MAOB: variants seen among roughly 807,000 people sequenced by gnomAD.
MAOB encodes amine oxidase [flavin-containing] B.
A neutral mutation model predicts 41.9 loss-of-function variants in MAOB; 15 were observed. The observed-to-expected ratio is 0.36, with a 90% confidence interval of 0.24 to 0.55. The LOEUF is 0.55. MAOB is among the 20% of genes least tolerant of loss of function. MAOB has a pLI of 0.86. For missense variants in MAOB, 345 were observed against 398.7 expected (o/e 0.87, Z 1.15); for synonymous variants, 167 against 144.2 (o/e 1.16, Z -1.13).
In MAOB at chrX:43,838,785, T is replaced by G. The variant is rs2035099148; in HGVS notation, c.279+83A>C. Reference sequence around the variant, plus strand: ...TGCATCATCCAGAGATATAGAAGATTCTCTGAGAGAATGATCTGGAATTTG... The same window carrying G: ...TGCATCATCCAGAGATATAGAAGATGCTCTGAGAGAATGATCTGGAATTTG... On this transcript the variant is annotated intron_variant, in intron 3 of 14. Transcript: ENST00000378069. The G allele has an allele frequency of 5.3e-6, 5 of 940,196 alleles. No individual in the cohort carries two copies. In the South Asian group the frequency reaches 1.7e-4, roughly 32 times the overall value. The allele number at this position is 940,196 out of a possible 1,213,427, so 77.5% of individuals were successfully genotyped here.
rs376894658 is a variant in MAOB, at chrX:43,803,689, A to G, written c.280-285T>C. On this transcript the variant is annotated intron_variant, in intron 3 of 14. Coordinates refer to ENST00000378069, the MANE Select transcript of MAOB (RefSeq NM_000898.5). ...CCATACAAAATGTAAATACAAGTAC[A>G]TAAGTGGAGTTAACCTAAGGAAATC... Among the ~76,000 whole-genome samples the G allele has an allele frequency of 7.1e-5, 8 of 112,172 alleles. No individual in the cohort carries two copies. In the East Asian group the frequency reaches 1.4e-3, roughly 20 times the overall value.
intron 1 of MAOB, among the ~76,000 whole-genome samples, chrX:43,875,805 G>C (rs1011290910): frequency 9.0e-6 from 1 of 111,126 alleles, no homozygotes; most frequent in African/African-American, 3.3e-5. Flanking sequence ...ACACTCACCC[G>C]CTTTTCAAGT....
chrX:43,845,824 G>A (rs776391607), intron 1 of MAOB, among the ~76,000 whole-genome samples: 6 of 112,207 alleles, frequency 5.3e-5, no homozygotes, highest in Non-Finnish European at 1.1e-4. Flanking sequence ...TTTAGTCACC[G>A]TCTATCAGTG....
chrX:43,787,950 T>C (rs2034420596), intron 8 of MAOB, among the ~76,000 whole-genome samples: 1 of 112,085 alleles, frequency 8.9e-6, no homozygotes, highest in South Asian at 3.7e-4. Flanking sequence ...ATTTTAAATA[T>C]TATTAGCTGG....
intron 1 of MAOB, among the ~76,000 whole-genome samples, chrX:43,862,484 A>G (rs1450488508): frequency 8.9e-6 from 1 of 112,546 alleles, no homozygotes; most frequent in African/African-American, 3.2e-5. Flanking sequence ...TTTTGAATCC[A>G]CTGAGTTTCA....
intron 3 of MAOB, among the ~76,000 whole-genome samples, chrX:43,814,493 C>T (rs2034784406): frequency 8.9e-6 from 1 of 112,573 alleles, no homozygotes; most frequent in African/African-American, 3.2e-5. Context: ...CCCATCAGTG[C>T]TCTGCACATA....
At position 43,778,785 on chromosome X, in the gene MAOB, G is replaced by C. The variant is rs977872571; in HGVS notation, c.1080-46C>G. ...AAGAGAAAATAAAGGAAAGAAGGGA[G>C]GGAAAAAAAAAGTGGGAAAGAGGCA... On this transcript the variant is annotated intron_variant, in intron 10 of 14. Transcript: ENST00000378069. 6 of 1,039,662 alleles carry C rather than the reference G, an allele frequency of 5.8e-6. No individual in the cohort carries two copies. In the African/African-American group the frequency reaches 1.1e-4, roughly 20 times the overall value. The allele number at this position is 1,039,662 out of a possible 1,213,427, so 85.7% of individuals were successfully genotyped here. A position where few individuals can be genotyped will look rare whatever the true frequency, so the allele number is the denominator to read the frequency against.
chrX:43,814,794 C>A (rs1320673559), intron 3 of MAOB, among the ~76,000 whole-genome samples: 1 of 111,931 alleles, frequency 8.9e-6, no homozygotes, highest in Non-Finnish European at 1.9e-5. Context: ...ATAAACAGTA[C>A]TAAAATAAGA....
chrX:43,797,882 A>T (rs927250706), intron 5 of MAOB, among the ~76,000 whole-genome samples: 3 of 111,990 alleles, frequency 2.7e-5, no homozygotes, highest in Admixed American at 1.9e-4. Context: ...TTTCTTGCTT[A>T]AAAAGTCTCC....
chrX:43,794,290 C>T (rs779477526), intron 7 of MAOB, among the ~76,000 whole-genome samples: 2 of 110,976 alleles, frequency 1.8e-5, no homozygotes, highest in East Asian at 5.8e-4. Context: ...CTCAATCCCT[C>T]GTCTCCTCCA....
rs28527225 is a variant in MAOB at position 43,847,398 on chromosome X, T to A, written c.47-3634A>T. ...GAGTAATAACAGCCACCATCATAAC[T>A]CATGAAGCACTTTGGTCTGGGTGAA... On this transcript the variant is annotated intron_variant, in intron 1 of 14. Coordinates refer to ENST00000378069, the MANE Select transcript of MAOB (RefSeq NM_000898.5). 2.7e-5 allele frequency among the ~76,000 whole-genome samples: 3 copies of A among 110,851 alleles called. No individual in the cohort carries two copies. The South Asian group carries it at 1.2e-3, about 44-fold the overall frequency.
chrX:43,857,084 A>AATATATAT lies in MAOB; in HGVS notation c.47-13328_47-13321dup, dbSNP rs1157628579. On this transcript the variant is annotated intron_variant, in intron 1 of 14. Coordinates refer to ENST00000378069, the MANE Select transcript of MAOB (RefSeq NM_000898.5). ...CTCAACACAAACTACCTATTCTTTA[A>AATATATAT]ATATATATATATATATATATATATA... is the stretch of plus-strand genomic sequence containing the variant. 1.5e-3 allele frequency among the ~76,000 whole-genome samples: 33 copies of AATATATAT among 22,713 alleles called. 2 individuals are homozygous for AATATATAT. The highest frequency in any genetic ancestry group is 5.7e-3 in the South Asian group (1 of 174). The allele number at this position is 22,713 out of a possible 115,157, so 19.7% of individuals were successfully genotyped here.
intron 13 of MAOB, among the ~76,000 whole-genome samples, chrX:43,769,061 C>T (rs748845598): frequency 6.2e-5 from 7 of 112,060 alleles, no homozygotes; most frequent in Admixed American, 1.9e-4. Flanking sequence ...GGTTACCTTT[C>T]AAGTATAGTC....
intron 12 of MAOB, among the ~76,000 whole-genome samples, chrX:43,772,250 C>T (rs375703668): frequency 9.0e-6 from 1 of 111,314 alleles, no homozygotes; most frequent in African/African-American, 3.3e-5. Flanking sequence ...TTAGTTTCTA[C>T]CCTAAAAATT....
At chrX:43,835,482 C>T (rs893757611) in intron 3 of MAOB, among the ~76,000 whole-genome samples, 6 of 112,076 alleles carry the variant, frequency 5.4e-5, no homozygotes, top group Admixed American at 2.8e-4. Flanking sequence ...ATAATTAAAT[C>T]CCAATATAGT....
chrX:43,784,767 A>G (rs2034377790), intron 8 of MAOB, among the ~76,000 whole-genome samples: 1 of 112,331 alleles, frequency 8.9e-6, no homozygotes, highest in African/African-American at 3.2e-5. Flanking sequence ...GAAGCTTTGA[A>G]GCCAGGTGCT....
At chrX:43,772,781 C>A (rs1015165984) in intron 12 of MAOB, among the ~76,000 whole-genome samples, 5 of 111,056 alleles carry the variant, frequency 4.5e-5, no homozygotes, top group African/African-American at 1.6e-4. Flanking sequence ...TGGCTTGGTG[C>A]CTTCTTCATG....
chrX:43,864,877 A>C (rs2035355390), intron 1 of MAOB, among the ~76,000 whole-genome samples: 1 of 111,677 alleles, frequency 9.0e-6, no homozygotes, highest in African/African-American at 3.3e-5. Flanking sequence ...CCAGTAATCC[A>C]GGCATCTCTA....
Position 43,768,609 on chromosome X carries a change from T to A in MAOB, c.1410+45A>T, listed in dbSNP as rs369055198. 5.1e-5 allele frequency: 55 copies of A among 1,075,443 alleles called. No homozygotes were observed. In the African/African-American group the frequency reaches 7.9e-4, roughly 15 times the overall value. The allele number at this position is 1,075,443 out of a possible 1,213,427, so 88.6% of individuals were successfully genotyped here. On this transcript the variant is annotated intron_variant, in intron 14 of 14. Coordinates refer to ENST00000378069, the MANE Select transcript of MAOB (RefSeq NM_000898.5). ...GTGTGCTCTTCTTGAAAATAATGGG[T>A]TTAGAGAAAAGATATCTAATTTCAT...
Sources: gnomAD v4.1 joint callset for allele counts (sites outside exome capture counted in the v4.1 genomes callset) on GRCh38, gnomAD v4.1.1 for gene constraint, MANE v1.5 for transcripts, NCBI Gene and HGNC (gene_info 2026-07-23, HGNC 2026-07-21) for gene names.